Variants in ASB16 observed in about 807,000 individuals in gnomAD.
ASB16 encodes ankyrin repeat and SOCS box containing 16.
Under a neutral mutation model 39.1 loss-of-function variants are expected in ASB16, and 44 were observed. The observed-to-expected ratio is 1.13, with a 90% confidence interval of 0.88 to 1.45. The LOEUF is 1.45. Among genes scored for constraint, ASB16 ranks in the 40% most tolerant of loss-of-function variants. The probability of loss-of-function intolerance (pLI) is 0.00; values close to 1 mark genes in which losing one functional copy is unlikely to be tolerated. For synonymous variants in ASB16, 305 were observed against 286.7 expected, an observed-to-expected ratio of 1.06 and a Z score of -0.64; for missense variants, 698 against 634.5, an observed-to-expected ratio of 1.10 and a Z score of -1.07.
intron 2 of ASB16, among the ~76,000 whole-genome samples, chr17:44,173,072 C>T (rs1450539513): frequency 1.5e-5 from 2 of 131,776 alleles, no homozygotes; most frequent in African/African-American, 2.9e-5. Context: ...TGCACTCCAG[C>T]GAGACTGTCT....
chr17:44,176,794 G>A lies in ASB16; in HGVS notation c.626G>A (p.Ser209Asn), dbSNP rs747784592. ...ACGGTGAACCTGGCAGCAGGCGAGAGCCAGGAGACGCCCCTGCACGTGGCG... is the reference window on the plus strand; with the variant it reads ...ACGGTGAACCTGGCAGCAGGCGAGAACCAGGAGACGCCCCTGCACGTGGCG... ...GATVNLAAGE[S>N]QETPLHVAAA... Residue 209 changes from serine (S) to asparagine (N), a missense_variant, in exon 3 of 5, where the codon AGC becomes AAC. Physicochemically the swap from Ser to Asn is conservative, Grantham distance 46. Coordinates refer to ENST00000293414, the MANE Select transcript of ASB16 (RefSeq NM_080863.5). 1.9e-6 allele frequency: 3 copies of A among 1,613,542 alleles called. No individual in the cohort carries two copies. Among genetic ancestry groups the A allele is most frequent in the Admixed American group, 3.3e-5 (2 of 60,030 alleles).
chr17:44,176,855 C>A lies in ASB16; in HGVS notation c.687C>A (p.Tyr229Ter), dbSNP rs1272652900. 1 of 1,611,084 alleles carries A rather than the reference C, an allele frequency of 6.2e-7. No individual in the cohort carries two copies. The highest frequency in any genetic ancestry group is 1.1e-5 in the South Asian group (1 of 90,990). The change falls in exon 3 of 5, where the codon TAC becomes TAA. Residue 229 changes from tyrosine (Y) to a stop codon, truncating the protein, a stop_gained. Transcript: ENST00000293414. LOFTEE classifies it high-confidence loss of function. ...ARGLEQHVAL[Y>*]LEHGADVGLR... ...GCCTGGAGCAACATGTGGCTCTGTA[C>A]CTGGAGCATGGCGCCGACGTGGGCC...
Position 44,171,056 on chromosome 17 carries a change from T to A in ASB16, c.267T>A (p.Thr89=). ...AGGCCGCCAACATGATTGTGGAGAC[T>A]GTGAGCAACCAGCTGGCCTGGTCGG... The part of the protein sequence containing the change: ...DEEAANMIVE[T]VSNQLAWSAE... The change falls in exon 1 of 5, where the codon ACT becomes ACA. Residue 89 remains threonine, a synonymous_variant. Transcript: ENST00000293414. 1 of 1,614,008 alleles carries A rather than the reference T, an allele frequency of 6.2e-7. No individual in the cohort carries two copies.
In ASB16 at chr17:44,176,923, C is replaced by T. The variant is rs746615531; in HGVS notation, c.755C>T (p.Ala252Val). The T allele has an allele frequency of 1.3e-6, 2 of 1,549,268 alleles. No individual in the cohort carries two copies. The highest frequency in any genetic ancestry group is 4.0e-5 in the Admixed American group (2 of 50,018). The part of the protein sequence containing the change: ...QGETALNTAC[A>V]GAEGPGSCRR... ...GAGACTGCGCTGAACACGGCGTGCG[C>T]TGGGGCCGAGGGCCCAGGTAGCTGC... The change falls in exon 3 of 5, where the codon GCT (alanine) becomes GTT (valine). Residue 252 changes from alanine (A) to valine (V), a missense_variant. Ala to Val is a moderately conservative substitution (Grantham distance 64). Coordinates refer to ENST00000293414, the MANE Select transcript of ASB16 (RefSeq NM_080863.5).
rs1346302586 is a variant in ASB16, at chr17:44,176,894, G to A, written c.726G>A (p.Gln242=). 4 of 1,598,900 alleles carry A rather than the reference G, an allele frequency of 2.5e-6. No homozygotes were observed. The South Asian group carries it at 3.3e-5, about 13-fold the overall frequency. The change falls in exon 3 of 5, where the codon CAG becomes CAA. Residue 242 remains glutamine, a synonymous_variant. Coordinates refer to ENST00000293414, the MANE Select transcript of ASB16 (RefSeq NM_080863.5). Reference sequence around the variant, plus strand: ...CCGACGTGGGCCTGCGCACCAGCCAGGGCGAGACTGCGCTGAACACGGCGT... The same window carrying A: ...CCGACGTGGGCCTGCGCACCAGCCAAGGCGAGACTGCGCTGAACACGGCGT... ...HGADVGLRTS[Q]GETALNTACA...
chr17:44,174,431 A>G (rs1317411244), intron 2 of ASB16, among the ~76,000 whole-genome samples: 2 of 152,156 alleles, frequency 1.3e-5, no homozygotes, highest in Non-Finnish European at 2.9e-5. Context: ...TCCTGAGCTC[A>G]GGCAATCCTC....
Position 44,176,771 on chromosome 17 carries a change from G to T in ASB16, c.603G>T (p.Thr201=). ...CAKLLLEAGA[T]VNLAAGESQE... Reference sequence around the variant, plus strand: ...AGTTGCTGCTGGAAGCAGGAGCGACGGTGAACCTGGCAGCAGGCGAGAGCC... The same window carrying T: ...AGTTGCTGCTGGAAGCAGGAGCGACTGTGAACCTGGCAGCAGGCGAGAGCC... The change falls in exon 3 of 5, where the codon ACG becomes ACT. Residue 201 remains threonine, a synonymous_variant. Transcript: ENST00000293414. 1 of 1,613,956 alleles carries T rather than the reference G, an allele frequency of 6.2e-7. No individual in the cohort carries two copies. Among genetic ancestry groups the T allele is most frequent in the Non-Finnish European group, 8.5e-7 (1 of 1,179,928 alleles).
intron 2 of ASB16, among the ~76,000 whole-genome samples, chr17:44,175,477 G>A (rs2054280610): frequency 6.6e-6 from 1 of 151,074 alleles, no homozygotes; most frequent in Non-Finnish European, 1.5e-5. Flanking sequence ...ATTTACCAAG[G>A]AGATAATTCA....
intron 2 of ASB16, among the ~76,000 whole-genome samples, chr17:44,173,160 G>A (rs1413535891): frequency 6.7e-6 from 1 of 149,938 alleles, no homozygotes; most frequent in Non-Finnish European, 1.5e-5. Flanking sequence ...AGGCTGAGGC[G>A]GGTGGATCAC....
chr17:44,175,591 T>C (rs1046163709), intron 2 of ASB16, among the ~76,000 whole-genome samples: 1 of 152,164 alleles, frequency 6.6e-6, no homozygotes, highest in Non-Finnish European at 1.5e-5. Context: ...AAAGGGTATT[T>C]GATTATCAGA....
intron 2 of ASB16, among the ~76,000 whole-genome samples, chr17:44,175,523 G>C (rs927421180): frequency 6.6e-6 from 1 of 151,892 alleles, no homozygotes. Flanking sequence ...CTCACATCTT[G>C]GCTACAGAGC....
rs771912610 is a variant in ASB16, at chr17:44,176,795, C to T, written c.627C>T (p.Ser209=). Residue 209 remains serine, a synonymous_variant, in exon 3 of 5, where the codon AGC becomes AGT. Transcript: ENST00000293414. ...CGGTGAACCTGGCAGCAGGCGAGAGCCAGGAGACGCCCCTGCACGTGGCGG... is the reference window on the plus strand; with the variant it reads ...CGGTGAACCTGGCAGCAGGCGAGAGTCAGGAGACGCCCCTGCACGTGGCGG... ...GATVNLAAGE[S]QETPLHVAAA... The T allele has an allele frequency of 1.2e-6, 2 of 1,613,476 alleles. No individual in the cohort carries two copies. Among genetic ancestry groups the T allele is most frequent in the Non-Finnish European group, 1.7e-6 (2 of 1,179,740 alleles).
At chr17:44,172,868 T>C (rs1375099475) in intron 2 of ASB16, among the ~76,000 whole-genome samples, 11 of 148,580 alleles carry the variant, frequency 7.4e-5, no homozygotes, top group African/African-American at 2.7e-4. Context: ...CCACCCACCT[T>C]GGCCTCCCAA....
chr17:44,172,391 C>T (rs991493467), intron 2 of ASB16, 78 bp downstream of exon 2: 8 of 1,524,986 alleles, frequency 5.2e-6, no homozygotes, highest in Non-Finnish European at 6.2e-6. Context: ...GAAGAGGGAA[C>T]CTGACAACCA....
intron 4 of ASB16, 192 bp downstream of exon 4, chr17:44,177,914 C>T: frequency 2.7e-6 from 2 of 747,466 alleles, no homozygotes; most frequent in Non-Finnish European, 4.4e-6. Context: ...ACCTCTCCTG[C>T]CTCCCTCACT....
chr17:44,177,459 G>T, intron 3 of ASB16, 150 bp from the exon 4 acceptor site: 1 of 1,166,444 alleles, frequency 8.6e-7, no homozygotes, highest in South Asian at 1.6e-5. Flanking sequence ...CATACTTGAG[G>T]GTGGGGTAGA....
rs766065939 is a variant in ASB16 at position 44,176,896 on chromosome 17, G to A, written c.728G>A (p.Gly243Asp). The change falls in exon 3 of 5, where the codon GGC (glycine) becomes GAC (aspartate). Residue 243 changes from glycine (G) to aspartate (D), a missense_variant. Coordinates refer to ENST00000293414, the MANE Select transcript of ASB16 (RefSeq NM_080863.5). The stretch of plus-strand genomic sequence containing the variant: ...GACGTGGGCCTGCGCACCAGCCAGG[G>A]CGAGACTGCGCTGAACACGGCGTGC... ...GADVGLRTSQ[G>D]ETALNTACAG... 2.5e-6 allele frequency: 4 copies of A among 1,596,576 alleles called. No individual in the cohort carries two copies. In the South Asian group the frequency reaches 3.3e-5, roughly 13 times the overall value.
Position 44,170,932 on chromosome 17 carries a change from G to A in ASB16, c.143G>A (p.Arg48Gln), listed in dbSNP as rs767555969. The change falls in exon 1 of 5, where the codon CGA (arginine) becomes CAA (glutamine). Residue 48 changes from arginine (R) to glutamine (Q), a missense_variant. Arg to Gln is a conservative substitution (Grantham distance 43). Transcript: ENST00000293414. ...AGGTGCCCGTCAAGTCCCCGGGCCC[G>A]ACTCACTAGGCCTCACCGTTCCTGC... The part of the protein sequence containing the change: ...SRRCPSSPRA[R>Q]LTRPHRSCRD... The A allele has an allele frequency of 1.4e-5, 22 of 1,613,174 alleles. No homozygotes were observed. In the South Asian group the frequency reaches 1.9e-4, roughly 14 times the overall value.
At chr17:44,175,777 T>C (rs546594397) in intron 2 of ASB16, among the ~76,000 whole-genome samples, 1 of 152,210 alleles carries the variant, frequency 6.6e-6, no homozygotes, top group Non-Finnish European at 1.5e-5. Context: ...GGCCTATAAT[T>C]TTCCCTGGAA....
Sources: allele counts gnomAD v4.1 joint callset (sites outside exome capture counted in the v4.1 genomes callset), GRCh38; gene constraint gnomAD v4.1.1; transcripts MANE v1.5; gene names NCBI Gene and HGNC (gene_info 2026-07-23, HGNC 2026-07-21).